GPC6: variants seen among roughly 807,000 people sequenced by gnomAD.
The protein encoded by GPC6 is glypican-6.
In GPC6, 14 loss-of-function variants were observed where a neutral mutation model predicts 55.2. The ratio of observed to expected loss-of-function variants is 0.25; its 90% CI spans 0.17 to 0.40. The LOEUF (loss-of-function observed/expected upper bound fraction) is 0.40, where lower values mean the gene tolerates loss of function less well. Among genes scored for constraint, GPC6 ranks in the 10% least tolerant of loss-of-function variants. GPC6 has a pLI of 1.00. For missense variants in GPC6, 641 were observed against 708.5 expected (o/e 0.90, Z 1.08); for synonymous variants, 278 against 259.6 (o/e 1.07, Z -0.68).
intron 4 of GPC6, among the ~76,000 whole-genome samples, chr13:94,266,954 T>C (rs770662745): frequency 6.6e-5 from 10 of 152,230 alleles, no homozygotes; most frequent in Non-Finnish European, 1.3e-4. Context: ...AAGGGTTAAG[T>C]GTCTGACCCA....
At chr13:94,158,930 A>C (rs1888058879) in intron 4 of GPC6, among the ~76,000 whole-genome samples, 1 of 152,064 alleles carries the variant, frequency 6.6e-6, no homozygotes. Flanking sequence ...CTATCCCCCA[A>C]TATTAATTCA....
At chr13:94,014,165 A>G (rs1465199112) in intron 3 of GPC6, among the ~76,000 whole-genome samples, 1 of 152,176 alleles carries the variant, frequency 6.6e-6, no homozygotes, top group South Asian at 2.1e-4. Context: ...AGACATTTTA[A>G]TCAGTATTCA....
intron 1 of GPC6, among the ~76,000 whole-genome samples, chr13:93,247,612 T>A (rs187290702): frequency 1.3e-5 from 2 of 152,178 alleles, no homozygotes. Flanking sequence ...CCAATCTTTT[T>A]ATATGACCGC....
At chr13:93,740,129 A>G (rs1884151652) in intron 2 of GPC6, among the ~76,000 whole-genome samples, 1 of 152,196 alleles carries the variant, frequency 6.6e-6, no homozygotes, top group Admixed American at 6.5e-5. Context: ...CCAGTAAGAC[A>G]GTTGTAAAAC....
At chr13:93,732,278 T>G (rs1324113827) in intron 2 of GPC6, among the ~76,000 whole-genome samples, 2 of 152,116 alleles carry the variant, frequency 1.3e-5, no homozygotes. Context: ...AGACATTTTG[T>G]GCATCAGCAA....
At chr13:93,388,461 A>G (rs1875488777) in intron 1 of GPC6, among the ~76,000 whole-genome samples, 1 of 152,170 alleles carries the variant, frequency 6.6e-6, no homozygotes, top group Non-Finnish European at 1.5e-5. Context: ...GAATGAGGAG[A>G]CAGAGATCAT....
At chr13:93,749,145 C>T (rs749180488) in intron 2 of GPC6, among the ~76,000 whole-genome samples, 8 of 151,952 alleles carry the variant, frequency 5.3e-5, no homozygotes, top group Non-Finnish European at 1.0e-4. Flanking sequence ...TTCCATTCTT[C>T]AGATGTTTCA....
intron 2 of GPC6, among the ~76,000 whole-genome samples, chr13:93,773,134 G>A (rs893410847): frequency 6.6e-6 from 1 of 152,118 alleles, no homozygotes; most frequent in African/African-American, 2.4e-5. Context: ...ATAAGAAATG[G>A]AGATTGTTTA....
intron 1 of GPC6, among the ~76,000 whole-genome samples, chr13:93,480,141 T>G: frequency 6.6e-6 from 1 of 152,228 alleles, no homozygotes; most frequent in East Asian, 1.9e-4. Flanking sequence ...GGCTTTTGTC[T>G]CTGTGTCTCC....
intron 2 of GPC6, among the ~76,000 whole-genome samples, chr13:93,789,351 T>G (rs968948810): frequency 6.6e-6 from 1 of 151,342 alleles, no homozygotes; most frequent in Non-Finnish European, 1.5e-5. Flanking sequence ...ACCATCACTG[T>G]TAAGGTAGTA....
intron 6 of GPC6, among the ~76,000 whole-genome samples, chr13:94,373,252 G>A (rs1251648321): frequency 3.3e-5 from 5 of 151,820 alleles, no homozygotes; most frequent in East Asian, 1.9e-4. Flanking sequence ...GGCTTCAGAC[G>A]ATCAAATTAC....
At chr13:94,160,212 A>G (rs1043044192) in intron 4 of GPC6, among the ~76,000 whole-genome samples, 1 of 152,200 alleles carries the variant, frequency 6.6e-6, no homozygotes, top group African/African-American at 2.4e-5. Context: ...ATCACTTACT[A>G]TGCCTAATTT....
chr13:93,672,197 CTG>C lies in GPC6; in HGVS notation c.319+126790_319+126791del, dbSNP rs1325940764. Among the ~76,000 whole-genome samples the C allele has an allele frequency of 4.0e-4, 56 of 138,846 alleles. No individual in the cohort carries two copies. In the South Asian group the frequency reaches 5.0e-3, roughly 12 times the overall value. 91.1% of individuals were successfully genotyped at this position (138,846 alleles called of 152,430 possible). ...ATAGTGTGTGAGCCTATTTTAATGA[CTG>C]TGTGTGTGTGTGTATATGTGTGTGT... On this transcript the variant is annotated intron_variant, in intron 2 of 8. Transcript: ENST00000377047.
chr13:93,833,214 T>C (rs1483811211), intron 3 of GPC6, among the ~76,000 whole-genome samples: 1 of 151,760 alleles, frequency 6.6e-6, no homozygotes, highest in Non-Finnish European at 1.5e-5. Flanking sequence ...CTTTTGTGAA[T>C]AATTTGTCTC....
intron 1 of GPC6, among the ~76,000 whole-genome samples, chr13:93,431,152 G>C (rs999583751): frequency 1.3e-5 from 2 of 152,030 alleles, no homozygotes; most frequent in African/African-American, 4.8e-5. Context: ...CTCGTGATCT[G>C]GAAATTAGTA....
At chr13:94,384,646 A>T (rs1258866666) in intron 7 of GPC6, among the ~76,000 whole-genome samples, 1 of 152,260 alleles carries the variant, frequency 6.6e-6, no homozygotes, top group Non-Finnish European at 1.5e-5. Context: ...TTAGAGCTGG[A>T]GGAGATCAGG....
chr13:93,378,996 G>GA (rs71202582), intron 1 of GPC6, among the ~76,000 whole-genome samples: 6,298 of 136,922 alleles, frequency 0.046, 179 homozygotes, highest in Non-Finnish European at 0.06. Flanking sequence ...CTCCATCTCA[G>GA]AAAAAAAAAA....
chr13:93,845,881 C>T (rs1888156075), intron 3 of GPC6, among the ~76,000 whole-genome samples: 1 of 149,112 alleles, frequency 6.7e-6, no homozygotes, highest in Middle Eastern at 3.2e-3. Flanking sequence ...ATATCTAATG[C>T]TAGATGACGA....
intron 2 of GPC6, among the ~76,000 whole-genome samples, chr13:93,568,115 T>C (rs752780266): frequency 6.6e-6 from 1 of 152,156 alleles, no homozygotes; most frequent in East Asian, 1.9e-4. Flanking sequence ...TCCATTTGAG[T>C]GTGTCTTTCA....
Sources: allele counts gnomAD v4.1 joint callset (sites outside exome capture counted in the v4.1 genomes callset), GRCh38; gene constraint gnomAD v4.1.1; transcripts MANE v1.5; gene names NCBI Gene and HGNC (gene_info 2026-07-23, HGNC 2026-07-21).